AGPS: variants seen among roughly 807,000 people sequenced by gnomAD.
AGPS encodes the protein alkyldihydroxyacetonephosphate synthase, peroxisomal.
Under a neutral mutation model 90.7 loss-of-function variants are expected in AGPS, and 26 were observed. That is an observed-to-expected ratio of 0.29 (90% CI 0.21 to 0.40). AGPS has a LOEUF of 0.40. Among genes scored for constraint, AGPS ranks in the 10% least tolerant of loss-of-function variants. The pLI is 1.00. For missense variants in AGPS, 540 were observed against 816.1 expected (o/e 0.66, Z 4.12); for synonymous variants, 294 against 285.3 (o/e 1.03, Z -0.31).
chr2:177,403,825 G>T (rs1253808692), intron 1 of AGPS, among the ~76,000 whole-genome samples: 2 of 152,112 alleles, frequency 1.3e-5, no homozygotes, highest in Non-Finnish European at 2.9e-5. Context: ...GACTCAGGAA[G>T]TATTGTATTA....
At chr2:177,405,673 G>GTTTTTTT (rs56860445) in intron 1 of AGPS, among the ~76,000 whole-genome samples, 1 of 144,908 alleles carries the variant, frequency 6.9e-6, no homozygotes, top group Non-Finnish European at 1.5e-5. Context: ...CTATTCTGTT[G>GTTTTTTT]TTTTTTTTTT....
intron 1 of AGPS, 22 bp downstream of exon 1, chr2:177,393,071 G>A: frequency 6.5e-7 from 1 of 1,550,374 alleles, no homozygotes; most frequent in Non-Finnish European, 8.7e-7. Flanking sequence ...TATGTGGAAG[G>A]AGTTAGCGTC....
chr2:177,429,534 G>C (rs1323385159), intron 2 of AGPS, among the ~76,000 whole-genome samples: 2 of 152,074 alleles, frequency 1.3e-5, no homozygotes, highest in Non-Finnish European at 2.9e-5. Flanking sequence ...GTTGCTTTCT[G>C]TTTGTTTGTT....
chr2:177,415,972 T>A (rs1032916244), intron 1 of AGPS, among the ~76,000 whole-genome samples: 9 of 152,196 alleles, frequency 5.9e-5, no homozygotes, highest in African/African-American at 9.7e-5. Context: ...AGAAAAACTT[T>A]TATAAAAGTT....
intron 12 of AGPS, among the ~76,000 whole-genome samples, chr2:177,496,997 G>A (rs1688431966): frequency 6.6e-6 from 1 of 152,044 alleles, no homozygotes; most frequent in East Asian, 1.9e-4. Context: ...ACTGAGGCCA[G>A]ATGCATGACT....
Position 177,499,523 on chromosome 2 carries a change from A to G in AGPS, c.1363-95A>G, listed in dbSNP as rs1688495970. 1.6e-5 allele frequency: 12 copies of G among 769,554 alleles called. No homozygotes were observed. The South Asian group carries it at 2.0e-4, about 13-fold the overall frequency. The allele number at this position is 769,554 out of a possible 1,614,324, so 47.7% of individuals were successfully genotyped here. ...AATTTTTAAGAAATCAGTGTATTTG[A>G]GCCCAGATCAGAAGGAAAAGAGCAA... On this transcript the variant is annotated intron_variant, in intron 13 of 19. Coordinates refer to ENST00000264167, the MANE Select transcript of AGPS (RefSeq NM_003659.4).
intron 1 of AGPS, among the ~76,000 whole-genome samples, chr2:177,411,409 T>A (rs982335689): frequency 6.6e-6 from 1 of 152,330 alleles, no homozygotes; most frequent in South Asian, 2.1e-4. Context: ...TTAGTCCTTC[T>A]AGCACGCAAG....
intron 9 of AGPS, among the ~76,000 whole-genome samples, chr2:177,463,290 G>C (rs1687352393): frequency 6.6e-6 from 1 of 152,130 alleles, no homozygotes; most frequent in African/African-American, 2.4e-5. Flanking sequence ...TTCCTCTTCT[G>C]TAAAATAGAA....
intron 18 of AGPS, among the ~76,000 whole-genome samples, chr2:177,521,626 T>A (rs1201290841): frequency 2.0e-5 from 3 of 152,170 alleles, no homozygotes; most frequent in African/African-American, 4.8e-5. Flanking sequence ...AAATAACAAT[T>A]AGGAATTCAT....
intron 14 of AGPS, among the ~76,000 whole-genome samples, 180 bp downstream of exon 14, chr2:177,499,910 T>C (rs565803523): frequency 3.7e-4 from 57 of 152,082 alleles, no homozygotes; most frequent in Non-Finnish European, 6.2e-4. Context: ...ACTTAAAATA[T>C]TGTTTTGGTT....
At chr2:177,462,358 A>C (rs1687320199) in intron 9 of AGPS, among the ~76,000 whole-genome samples, 1 of 140,558 alleles carries the variant, frequency 7.1e-6, no homozygotes, top group Admixed American at 8.1e-5. Flanking sequence ...GTGCCACTGC[A>C]CTCCAGCCTG....
chr2:177,502,083 C>T (rs1389949229), intron 14 of AGPS, among the ~76,000 whole-genome samples: 2 of 152,180 alleles, frequency 1.3e-5, no homozygotes, highest in Admixed American at 1.3e-4. Flanking sequence ...ATCCAGCTGC[C>T]TTCAGATACT....
chr2:177,462,224 A>G lies in AGPS; in HGVS notation c.996+206A>G, dbSNP rs2166557. On this transcript the variant is annotated intron_variant, in intron 9 of 19. Transcript: ENST00000264167. ...GCTAACAAGGTGAAACCCCGTCTCT[A>G]CTAAAAATACAAAAAAAAATTAGTC... 0.86 allele frequency among the ~76,000 whole-genome samples: 130,179 copies of G among 151,034 alleles called. 56,310 individuals are homozygous for G. Among genetic ancestry groups the G allele is most frequent in the East Asian group, 0.95 (4,863 of 5,126 alleles).
At position 177,461,974 on chromosome 2, in the gene AGPS, G is replaced by T; in HGVS notation, c.952G>T (p.Ala318Ser). The T allele has an allele frequency of 6.2e-7, 1 of 1,611,912 alleles. No homozygotes were observed. Among genetic ancestry groups the T allele is most frequent in the Non-Finnish European group, 8.5e-7 (1 of 1,178,700 alleles). ...STVGGWVSTR[A>S]SGMKKNIYGN... The stretch of plus-strand genomic sequence containing the variant: ...TGTAGGAGGATGGGTATCTACTCGC[G>T]CATCAGGCATGAAGAAGAATATCTA... Residue 318 changes from alanine (A) to serine (S), a missense_variant, in exon 9 of 20, where the codon GCA becomes TCA. This residue lies in a region of AGPS where 405 missense variants were observed against 692.1 expected (regional missense o/e 0.59). Transcript: ENST00000264167.
intron 12 of AGPS, among the ~76,000 whole-genome samples, chr2:177,495,477 C>T (rs1267058483): frequency 6.6e-6 from 1 of 152,198 alleles, no homozygotes; most frequent in Non-Finnish European, 1.5e-5. Flanking sequence ...AGTTTTTGCA[C>T]TGTCTGTAAC....
intron 19 of AGPS, among the ~76,000 whole-genome samples, chr2:177,536,053 A>G (rs186914854): frequency 6.6e-6 from 1 of 152,264 alleles, no homozygotes; most frequent in Admixed American, 6.5e-5. Flanking sequence ...TCTGTTTTCC[A>G]GCGCTTGGTG....
At position 177,449,170 on chromosome 2, in the gene AGPS, T is replaced by C. The variant is rs551670239; in HGVS notation, c.870+3544T>C. Among the ~76,000 whole-genome samples, 72 of 152,380 alleles carry C rather than the reference T, an allele frequency of 4.7e-4. No individual in the cohort carries two copies. In the South Asian group the frequency reaches 0.014, roughly 31 times the overall value. On this transcript the variant is annotated intron_variant, in intron 8 of 19. Transcript: ENST00000264167. ...ATGAACGTTCATGTGAAAGTTTTTGTATAGACATATACATTTGTTTCCTTT... is the reference window on the plus strand; with the variant it reads ...ATGAACGTTCATGTGAAAGTTTTTGCATAGACATATACATTTGTTTCCTTT...
intron 11 of AGPS, among the ~76,000 whole-genome samples, chr2:177,489,039 T>A (rs1183510495): frequency 6.6e-6 from 1 of 152,076 alleles, no homozygotes; most frequent in Non-Finnish European, 1.5e-5. Context: ...AAGTAAGAGC[T>A]ATGACTTAGT....
chr2:177,433,846 C>G (rs1374664345), intron 2 of AGPS, among the ~76,000 whole-genome samples: 2 of 151,872 alleles, frequency 1.3e-5, no homozygotes, highest in East Asian at 3.9e-4. Flanking sequence ...TCAGAGTCAG[C>G]CAGACATTTG....
Sources: allele counts gnomAD v4.1 joint callset (sites outside exome capture counted in the v4.1 genomes callset), GRCh38; gene constraint gnomAD v4.1.1; regional missense constraint gnomAD v4.1.1; transcripts MANE v1.5; gene names NCBI Gene and HGNC (gene_info 2026-07-23, HGNC 2026-07-21).